The following LPIN3 variants were observed in gnomAD, a reference collection of about 807,000 sequenced individuals.
LPIN3 encodes the protein phosphatidate phosphatase LPIN3.
Under a neutral mutation model 94.7 loss-of-function variants are expected in LPIN3, and 82 were observed. The observed-to-expected ratio is 0.87, with a 90% CI of 0.72 to 1.04. The LOEUF is 1.04. Ranked by LOEUF, LPIN3 falls within the 50% of genes least tolerant of loss-of-function variation. The probability of loss-of-function intolerance (pLI) is 0.00; values close to 1 mark genes in which losing one functional copy is unlikely to be tolerated. For missense variants in LPIN3, 996 were observed against 1,090.5 expected (o/e 0.91, Z 1.22); for synonymous variants, 418 against 443.3 (o/e 0.94, Z 0.72).
In LPIN3 at chr20:41,350,086, T is replaced by C. The variant is rs770119965; in HGVS notation, c.791T>C (p.Val264Ala). The change falls in exon 7 of 20, where the codon GTG becomes GCG. Residue 264 changes from valine (V) to alanine (A), a missense_variant. Physicochemically the swap from Val to Ala is moderately conservative, Grantham distance 64 (BLOSUM62 0). Coordinates refer to ENST00000373257, the MANE Select transcript of LPIN3 (RefSeq NM_022896.3). ...AGAGCTGAGCGGCCCGAGTCCTCAG[T>C]GGTCCTTGAAGGCAGAGCTGGGGCA... is the stretch of plus-strand genomic sequence containing the variant. ...VARAERPESSVVLEGRAGATS... is the reference protein window; with the variant it reads ...VARAERPESSAVLEGRAGATS... The C allele has an allele frequency of 1.2e-6, 2 of 1,607,992 alleles. No homozygotes were observed. The highest frequency in any genetic ancestry group is 1.7e-6 in the Non-Finnish European group (2 of 1,177,058).
At position 41,349,911 on chromosome 20, in the gene LPIN3, C is replaced by A; in HGVS notation, c.759+17C>A. The A allele has an allele frequency of 1.2e-6, 2 of 1,606,800 alleles. No individual in the cohort carries two copies. Reference sequence around the variant, plus strand: ...CTGCCTAAGGTGAGTCCCTCTGTATCAACCCCAGGCCCGGCCTTTCAGGGG... The same window carrying A: ...CTGCCTAAGGTGAGTCCCTCTGTATAAACCCCAGGCCCGGCCTTTCAGGGG... On this transcript the variant is annotated intron_variant, in intron 6 of 19. Coordinates refer to ENST00000373257, the MANE Select transcript of LPIN3 (RefSeq NM_022896.3).
intron 2 of LPIN3, 136 bp downstream of exon 2, chr20:41,346,131 G>C (rs947247362): frequency 4.2e-6 from 4 of 943,808 alleles, no homozygotes; most frequent in Non-Finnish European, 6.2e-6. Flanking sequence ...CCCTTCATTT[G>C]TACTTTCTTT....
At chr20:41,355,747 C>A in intron 13 of LPIN3, 149 bp from the exon 14 acceptor site, 1 of 994,876 alleles carries the variant, frequency 1.0e-6, no homozygotes, top group Non-Finnish European at 1.5e-6. Context: ...TGCCACCACT[C>A]CAAATGGGTT....
At position 41,358,892 on chromosome 20, in the gene LPIN3, C is replaced by T. The variant is rs768407574; in HGVS notation, c.*26C>T. ...ACCTGCCCTGGCTGGCTCCTCCTCC[C>T]TGGCCCGGCCCAGGACTGGCTAGGT... On this transcript the variant is annotated 3_prime_UTR_variant, in exon 20 of 20. Transcript: ENST00000373257. The T allele has an allele frequency of 1.9e-6, 3 of 1,612,642 alleles. No individual in the cohort carries two copies. In the African/African-American group the frequency reaches 4.0e-5, roughly 22 times the overall value.
At position 41,352,828 on chromosome 20, in the gene LPIN3, G is replaced by A. The variant is rs1394647992; in HGVS notation, c.1488G>A (p.Met496Ile). 1.9e-6 allele frequency: 3 copies of A among 1,614,082 alleles called. No individual in the cohort carries two copies. Among genetic ancestry groups the A allele is most frequent in the Admixed American group, 1.7e-5 (1 of 60,000 alleles). The change falls in exon 11 of 20, where the codon ATG becomes ATA. Residue 496 changes from methionine (M) to isoleucine (I), a missense_variant. Transcript: ENST00000373257. ...KHYNWAVAAP[M>I]ILSLQAFQKN... The stretch of plus-strand genomic sequence containing the variant: ...ATAACTGGGCTGTGGCTGCCCCCAT[G>A]ATCCTCTCCCTGCAAGCCTTCCAGA...
intron 14 of LPIN3, among the ~76,000 whole-genome samples, chr20:41,356,646 C>CA (rs2046217796): frequency 6.6e-6 from 1 of 152,130 alleles, no homozygotes; most frequent in Admixed American, 6.5e-5. Context: ...ACCCTGGCCC[C>CA]AAGGAGGGGC....
rs1382292627 is a variant in LPIN3 at position 41,350,343 on chromosome 20, A to G, written c.1048A>G (p.Thr350Ala). The G allele has an allele frequency of 1.9e-6, 3 of 1,601,818 alleles. No homozygotes were observed. Among genetic ancestry groups the G allele is most frequent in the African/African-American group, 1.3e-5 (1 of 74,618 alleles). Reference sequence around the variant, plus strand: ...TGCCTCCAAGTCATGGAGCTGGGCCACTCTGGAGGTTCCAGTTCCCACCGG... The same window carrying G: ...TGCCTCCAAGTCATGGAGCTGGGCCGCTCTGGAGGTTCCAGTTCCCACCGG... ...PPASKSWSWA[T>A]LEVPVPTGQP... Residue 350 changes from threonine to alanine, a missense_variant, in exon 7 of 20, where the codon ACT becomes GCT. Thr to Ala is a moderately conservative substitution (Grantham distance 58). Transcript: ENST00000373257.
rs2046278505 is a variant in LPIN3, at chr20:41,358,102, G to T, written c.2192+68G>T. 2.5e-6 allele frequency: 4 copies of T among 1,575,172 alleles called. No homozygotes were observed. In the Admixed American group the frequency reaches 7.0e-5, roughly 28 times the overall value. ...GAAAGGCAGGCCCACTGCCAGGCCA[G>T]CCTTAGCAGGCTGGCATTAAGCTCT... is the stretch of plus-strand genomic sequence containing the variant. On this transcript the variant is annotated intron_variant, in intron 17 of 19. Transcript: ENST00000373257.
chr20:41,358,089 CACTGCCAGGCCAGCCTTAGCAG>C, intron 17 of LPIN3, 55 bp downstream of exon 17: 4 of 1,570,916 alleles, frequency 2.5e-6, no homozygotes, highest in Non-Finnish European at 3.5e-6. Context: ...AAGGCAGGCC[CACTGCCAGGCCAGCCTTAGCAG>C]GCTGGCATTA....
At chr20:41,357,596 G>A (rs367750266) in intron 16 of LPIN3, 149 bp downstream of exon 16, 19 of 750,498 alleles carry the variant, frequency 2.5e-5, no homozygotes, top group South Asian at 2.3e-4. Flanking sequence ...CTATTGGCCC[G>A]CAGTTCTGGG....
At chr20:41,353,013 C>T (rs953050173) in intron 11 of LPIN3, 146 bp downstream of exon 11, 74 of 854,520 alleles carry the variant, frequency 8.7e-5, no homozygotes, top group Non-Finnish European at 1.2e-4. Flanking sequence ...CTGGGAGAGG[C>T]GACACACGTC....
chr20:41,357,505 T>TGACAG, intron 16 of LPIN3, 58 bp downstream of exon 16: 1 of 1,459,290 alleles, frequency 6.9e-7, no homozygotes, highest in Non-Finnish European at 9.5e-7. Context: ...AGAGAGGGAG[T>TGACAG]GACAGGACAG....
chr20:41,343,225 G>A (rs896994803), intron 1 of LPIN3, among the ~76,000 whole-genome samples: 2 of 152,166 alleles, frequency 1.3e-5, no homozygotes, highest in African/African-American at 2.4e-5. Context: ...GAAAGCTCAG[G>A]CTTGGGCCTC....
intron 9 of LPIN3, 90 bp downstream of exon 9, chr20:41,352,310 A>G: frequency 2.8e-6 from 4 of 1,450,198 alleles, no homozygotes; most frequent in Non-Finnish European, 3.8e-6. Context: ...GTGGGGCAGT[A>G]GAGGTGAGAG....
At chr20:41,349,062 A>T in intron 4 of LPIN3, 30 bp from the exon 5 acceptor site, 3 of 1,613,280 alleles carry the variant, frequency 1.9e-6, no homozygotes, top group Non-Finnish European at 2.5e-6. Flanking sequence ...CTGCCTGATC[A>T]GTGACCATTT....
At chr20:41,341,680 C>T (rs946489364) in intron 1 of LPIN3, among the ~76,000 whole-genome samples, 11 of 152,202 alleles carry the variant, frequency 7.2e-5, no homozygotes, top group African/African-American at 2.4e-4. Context: ...CCTTGAGTGC[C>T]AAGTTAAGAA....
chr20:41,343,057 C>T (rs752754109), intron 1 of LPIN3, among the ~76,000 whole-genome samples: 2 of 152,166 alleles, frequency 1.3e-5, no homozygotes, highest in Non-Finnish European at 2.9e-5. Flanking sequence ...CAACCTGGAG[C>T]TGCGGGGGAT....
In LPIN3 at chr20:41,356,621, A is replaced by C. The variant is rs2147002046; in HGVS notation, c.1804-419A>C. 2.0e-5 allele frequency among the ~76,000 whole-genome samples: 3 copies of C among 152,272 alleles called. No individual in the cohort carries two copies. In the South Asian group the frequency reaches 6.2e-4, roughly 32 times the overall value. On this transcript the variant is annotated intron_variant, in intron 14 of 19. Coordinates refer to ENST00000373257, the MANE Select transcript of LPIN3 (RefSeq NM_022896.3). ...ACAGGGTTAGGCCTCTCCTTAGGAC[A>C]ATGTTGACTCAGGTACCCTGGCCCC... is the stretch of plus-strand genomic sequence containing the variant.
chr20:41,352,322 C>CTGGG, intron 9 of LPIN3, 102 bp downstream of exon 9: 1 of 1,337,746 alleles, frequency 7.5e-7, no homozygotes, highest in Admixed American at 1.9e-5. Flanking sequence ...AGGTGAGAGG[C>CTGGG]TGGGCTTCCC....
Sources: gnomAD v4.1 joint callset for allele counts (sites outside exome capture counted in the v4.1 genomes callset) on GRCh38, gnomAD v4.1.1 for gene constraint, MANE v1.5 for transcripts, NCBI Gene and HGNC (gene_info 2026-07-23, HGNC 2026-07-21) for gene names.